The following HEATR4 variants were observed in gnomAD, a reference collection of about 807,000 sequenced individuals.
HEATR4 encodes HEAT repeat containing 4.
A neutral mutation model predicts 108.8 loss-of-function variants in HEATR4; 95 were observed. The ratio of observed to expected loss-of-function variants is 0.87; its 90% CI spans 0.74 to 1.04. The LOEUF (loss-of-function observed/expected upper bound fraction) is 1.04, where lower values mean the gene tolerates loss of function less well. Ranked by LOEUF, HEATR4 falls within the 50% of genes least tolerant of loss-of-function variation. The probability of loss-of-function intolerance (pLI) is 0.00; values close to 1 mark genes in which losing one functional copy is unlikely to be tolerated. For synonymous variants in HEATR4, 443 were observed against 459.4 expected, an observed-to-expected ratio of 0.96 and a Z score of 0.46; for missense variants, 1,152 against 1,253.8, an observed-to-expected ratio of 0.92 and a Z score of 1.23.
upstream of HEATR4, among the ~76,000 whole-genome samples, chr14:73,563,225 A>G (rs1290824412): frequency 6.6e-6 from 1 of 151,988 alleles, no homozygotes; most frequent in African/African-American, 2.4e-5. Flanking sequence ...TAGAAAATAG[A>G]AGGAACCTAC....
chr14:73,588,004 AT>A, the HEATR4 span, among the ~76,000 whole-genome samples: 7,974 of 140,546 alleles, frequency 0.057, 217 homozygotes, highest in Non-Finnish European at 0.08. Flanking sequence ...TATTTCTCTC[AT>A]TTTTTTTTTT....
At chr14:73,629,954 A>G in the HEATR4 span, among the ~76,000 whole-genome samples, 1 of 151,696 alleles carries the variant, frequency 6.6e-6, no homozygotes, top group Non-Finnish European at 1.5e-5. Context: ...GCCCCAGATT[A>G]CTTATTTCTT....
At chr14:73,485,632 G>A (rs1438133340) in intron 17 of HEATR4, among the ~76,000 whole-genome samples, 1 of 152,094 alleles carries the variant, frequency 6.6e-6, no homozygotes, top group Non-Finnish European at 1.5e-5. Context: ...CAGCACTTTG[G>A]GAGGCCAAGG....
the HEATR4 span, chr14:73,591,862 C>T: frequency 8.2e-7 from 1 of 1,214,974 alleles, no homozygotes; most frequent in Non-Finnish European, 1.1e-6. Flanking sequence ...CTTCCGGCAC[C>T]AGGGGACGCC....
At chr14:73,604,772 C>A in the HEATR4 span, among the ~76,000 whole-genome samples, 1 of 152,224 alleles carries the variant, frequency 6.6e-6, no homozygotes, top group Admixed American at 6.5e-5. Context: ...CAGGCGAGAG[C>A]CACCATGCCC....
the HEATR4 span, among the ~76,000 whole-genome samples, chr14:73,612,139 T>A: frequency 0.02 from 3,058 of 152,078 alleles, 106 homozygotes; most frequent in African/African-American, 0.07. Context: ...CCTCCTGGGT[T>A]CAAGCAATTC....
rs1419106592 is a variant in HEATR4 at position 73,480,018 on chromosome 14, G to A, written c.2845-1176C>T. On this transcript the variant is annotated intron_variant, in intron 17 of 17. Transcript: ENST00000553558. Reference sequence around the variant, plus strand: ...ATGTTCACTCACACATTTGTAGAAGGAACACAATATCTCTTATAATATTCT... The same window carrying A: ...ATGTTCACTCACACATTTGTAGAAGAAACACAATATCTCTTATAATATTCT... Among the ~76,000 whole-genome samples, 4 of 152,146 alleles carry A rather than the reference G, an allele frequency of 2.6e-5. No individual in the cohort carries two copies. In the East Asian group the frequency reaches 5.8e-4, roughly 22 times the overall value.
At chr14:73,569,835 G>C in the HEATR4 span, 11 of 1,603,526 alleles carry the variant, frequency 6.9e-6, no homozygotes, top group Middle Eastern at 1.7e-4. Flanking sequence ...GGTGCGGCGC[G>C]AGCCGGTGCG....
chr14:73,551,148 T>A (rs11159025), intron 1 of HEATR4, among the ~76,000 whole-genome samples: 11,302 of 106,968 alleles, frequency 0.11, 2,462 homozygotes, highest in African/African-American at 0.31. Flanking sequence ...TGAGTGACAG[T>A]GTGAGACTCC....
At chr14:73,559,169 A>T (rs10137126), upstream of HEATR4, among the ~76,000 whole-genome samples, 62,453 of 151,454 alleles carry the variant, frequency 0.41, 13,262 homozygotes, top group East Asian at 0.64. Flanking sequence ...AGTCTCACTC[A>T]GTTGCCTAGG....
chr14:73,537,874 G>T lies in HEATR4; in HGVS notation c.-151-7630C>A, dbSNP rs1179895822. ...GGGTGCGAGGCACGCTCTTCCTGCC[G>T]CCAGGTGACTCACCTCCGCTAATTG... On this transcript the variant is annotated intron_variant, in intron 1 of 17. Transcript: ENST00000553558. 2 of 1,195,390 alleles carry T rather than the reference G, an allele frequency of 1.7e-6. 1 individual carries two copies. Among genetic ancestry groups the T allele is most frequent in the Non-Finnish European group, 2.2e-6 (2 of 917,638 alleles). 74.0% of individuals were successfully genotyped at this position (1,195,390 alleles called of 1,614,324 possible).
chr14:73,482,982 A>C (rs1178702609), intron 17 of HEATR4, among the ~76,000 whole-genome samples: 1 of 152,172 alleles, frequency 6.6e-6, no homozygotes, highest in Non-Finnish European at 1.5e-5. Flanking sequence ...TAATGTATGC[A>C]AATTAAAACA....
At chr14:73,511,387 C>T (rs1014221885) in intron 7 of HEATR4, among the ~76,000 whole-genome samples, 5 of 151,772 alleles carry the variant, frequency 3.3e-5, no homozygotes, top group South Asian at 2.1e-4. Flanking sequence ...TGGTGGCACA[C>T]GCCTGTATGT....
In HEATR4 at chr14:73,483,116, A is replaced by G. The variant is rs143188794; in HGVS notation, c.2845-4274T>C. On this transcript the variant is annotated intron_variant, in intron 17 of 17. Transcript: ENST00000553558. ...AACTTCGGAAATGTGTGGAATCTAT[A>G]AGACTAAATACAACAGGAATTGCAC... 3.5e-4 allele frequency among the ~76,000 whole-genome samples: 54 copies of G among 152,334 alleles called. No homozygotes were observed. The East Asian group carries it at 0.01, about 29-fold the overall frequency.
intron 5 of HEATR4, among the ~76,000 whole-genome samples, chr14:73,517,814 C>T (rs1053944617): frequency 2.6e-5 from 4 of 151,710 alleles, no homozygotes; most frequent in African/African-American, 9.7e-5. Context: ...AGAGGCTGGA[C>T]ACGGTGGCTC....
At chr14:73,600,865 G>A in the HEATR4 span, among the ~76,000 whole-genome samples, 3 of 152,114 alleles carry the variant, frequency 2.0e-5, no homozygotes, top group Admixed American at 6.6e-5. Context: ...TCGGCCAGGC[G>A]TGCTGGCTCA....
intron 17 of HEATR4, among the ~76,000 whole-genome samples, chr14:73,483,367 T>C (rs187137870): frequency 1.3e-5 from 2 of 152,296 alleles, no homozygotes; most frequent in East Asian, 3.9e-4. Context: ...GACCTGGTCT[T>C]ACTATGTTGC....
intron 6 of HEATR4, 143 bp downstream of exon 6, chr14:73,513,888 G>C: frequency 1.3e-6 from 1 of 743,230 alleles, no homozygotes. Flanking sequence ...TGTGTGAAAG[G>C]CTCTTGTCTA....
chr14:73,492,461 C>T lies in HEATR4; in HGVS notation c.2844+605G>A, dbSNP rs765916917. 1.2e-6 allele frequency: 2 copies of T among 1,613,476 alleles called. No individual in the cohort carries two copies. The highest frequency in any genetic ancestry group is 1.7e-6 in the Non-Finnish European group (2 of 1,179,714). ...AAGAACCGCTTTCATGGAGAAGGTG[C>T]GGGTCTTGGTTGCCCGCCTGGGACA... is the stretch of plus-strand genomic sequence containing the variant. On this transcript the variant is annotated intron_variant, in intron 17 of 17. Coordinates refer to ENST00000553558, the MANE Select transcript of HEATR4 (RefSeq NM_001220484.1). The surrounding 1 kb of genome is among the most constrained non-coding windows in gnomAD (Gnocchi z 4.9).
Sources: allele counts gnomAD v4.1 joint callset (sites outside exome capture counted in the v4.1 genomes callset), GRCh38; gene constraint gnomAD v4.1.1; non-coding constraint Gnocchi (gnomAD v3.1); transcripts MANE v1.5; gene names NCBI Gene and HGNC (gene_info 2026-07-23, HGNC 2026-07-21).